Variants in ARHGAP28 observed in about 807,000 individuals in gnomAD.
The protein encoded by ARHGAP28 is Rho GTPase activating protein 28, also known as rho GTPase-activating protein 28.
Under a neutral mutation model 90.7 loss-of-function variants are expected in ARHGAP28, and 56 were observed. The observed-to-expected ratio is 0.62, with a 90% CI of 0.50 to 0.77. ARHGAP28 has a LOEUF of 0.77. Among genes scored for constraint, ARHGAP28 ranks in the 30% least tolerant of loss-of-function variants. ARHGAP28 has a pLI of 0.00. For missense variants in ARHGAP28, 869 were observed against 900.9 expected, an observed-to-expected ratio of 0.96 and a Z score of 0.45; for synonymous variants, 308 against 323.3, an observed-to-expected ratio of 0.95 and a Z score of 0.51.
intron 16 of ARHGAP28, among the ~76,000 whole-genome samples, chr18:6,903,826 C>CAA (rs35606759): frequency 0.11 from 9,038 of 83,566 alleles, 852 homozygotes; most frequent in Non-Finnish European, 0.14. Context: ...GACTCCATCT[C>CAA]AAAAAAAAAA....
At chr18:6,889,743 T>G in intron 12 of ARHGAP28, 145 bp from the exon 13 acceptor site, 1 of 711,298 alleles carries the variant, frequency 1.4e-6, no homozygotes, top group Non-Finnish European at 2.4e-6. Context: ...TTTTAACCAG[T>G]TAGAGGGGAA....
intron 15 of ARHGAP28, among the ~76,000 whole-genome samples, chr18:6,895,461 A>G (rs1219871267): frequency 6.6e-6 from 1 of 152,220 alleles, no homozygotes; most frequent in Non-Finnish European, 1.5e-5. Context: ...ATTCTTTCAC[A>G]GTTCTTGAGG....
chr18:6,903,746 TTGAACCCGGGAGGCGGAGGTTGCAG>T (rs1282995951), intron 16 of ARHGAP28, among the ~76,000 whole-genome samples: 1 of 149,574 alleles, frequency 6.7e-6, no homozygotes, highest in Non-Finnish European at 1.5e-5. Context: ...AGAGAACTGC[TTGAACCCGGGAGGCGGAGGTTGCAG>T]TGAGCCGAGA....
intron 1 of ARHGAP28, among the ~76,000 whole-genome samples, chr18:6,768,774 A>T (rs1567941071): frequency 6.6e-6 from 1 of 152,014 alleles, no homozygotes; most frequent in Non-Finnish European, 1.5e-5. Flanking sequence ...ATGTCCCCTT[A>T]ACTCAGTGAG....
rs560523148 is a variant in ARHGAP28 at position 6,872,566 on chromosome 18, G to GT, written c.955-835dup. Among the ~76,000 whole-genome samples the GT allele has an allele frequency of 1.4e-3, 206 of 151,764 alleles. 1 individual carries two copies. Among genetic ancestry groups the GT allele is most frequent in the Non-Finnish European group, 2.1e-3 (146 of 67,928 alleles). On this transcript the variant is annotated intron_variant, in intron 7 of 17. Coordinates refer to ENST00000383472, the MANE Select transcript of ARHGAP28 (RefSeq NM_001366230.1). ...AAGTGTTTATAATTTAATCTATGGGGTTTTTTTTGTTTTACTTCAGCATTT... is the reference window on the plus strand; with the variant it reads ...AAGTGTTTATAATTTAATCTATGGGGTTTTTTTTTGTTTTACTTCAGCATTT...
intron 15 of ARHGAP28, among the ~76,000 whole-genome samples, chr18:6,895,863 A>C (rs2057300995): frequency 1.3e-5 from 2 of 152,208 alleles, no homozygotes; most frequent in Non-Finnish European, 2.9e-5. Flanking sequence ...TATCAATAGA[A>C]CATTGATAGA....
At chr18:6,865,482 A>G (rs2143454467) in intron 5 of ARHGAP28, among the ~76,000 whole-genome samples, 1 of 152,298 alleles carries the variant, frequency 6.6e-6, no homozygotes, top group South Asian at 2.1e-4. Context: ...TTGCAGAACA[A>G]GAAGATGAGG....
chr18:6,792,144 T>TCTA (rs2056411159), intron 1 of ARHGAP28, among the ~76,000 whole-genome samples: 2 of 152,154 alleles, frequency 1.3e-5, no homozygotes, highest in Non-Finnish European at 2.9e-5. Flanking sequence ...CATGGTTACC[T>TCTA]GGAGATGGAC....
At chr18:6,765,437 C>G (rs550474185) in intron 1 of ARHGAP28, among the ~76,000 whole-genome samples, 2 of 152,108 alleles carry the variant, frequency 1.3e-5, no homozygotes, top group African/African-American at 4.8e-5. Context: ...AAAATATTCC[C>G]TTATTTTCTG....
At chr18:6,815,395 C>G (rs1600210627) in intron 1 of ARHGAP28, among the ~76,000 whole-genome samples, 1 of 152,070 alleles carries the variant, frequency 6.6e-6, no homozygotes, top group African/African-American at 2.4e-5. Context: ...TATTTGAAAT[C>G]TCAAAGCACT....
At chr18:6,780,954 A>G (rs941483440) in intron 1 of ARHGAP28, among the ~76,000 whole-genome samples, 1 of 152,046 alleles carries the variant, frequency 6.6e-6, no homozygotes, top group Admixed American at 6.6e-5. Flanking sequence ...CAGTCACAGA[A>G]TGTAATTTTC....
chr18:6,755,009 G>A (rs1474490204), intron 1 of ARHGAP28, among the ~76,000 whole-genome samples: 1 of 151,990 alleles, frequency 6.6e-6, no homozygotes, highest in Non-Finnish European at 1.5e-5. Flanking sequence ...TTAGCTAGGT[G>A]TGGTGGTACA....
intron 1 of ARHGAP28, among the ~76,000 whole-genome samples, chr18:6,743,936 C>G (rs1029217251): frequency 6.6e-6 from 1 of 152,082 alleles, no homozygotes; most frequent in Non-Finnish European, 1.5e-5. Context: ...AGTTCCACTC[C>G]TTGAGGACAG....
chr18:6,802,906 A>G (rs2056492587), intron 1 of ARHGAP28, among the ~76,000 whole-genome samples: 1 of 152,174 alleles, frequency 6.6e-6, no homozygotes, highest in South Asian at 2.1e-4. Flanking sequence ...CTGTTAATAT[A>G]TAGAAATACA....
intron 1 of ARHGAP28, among the ~76,000 whole-genome samples, chr18:6,736,529 C>T (rs535733851): frequency 2.1e-4 from 32 of 151,346 alleles, no homozygotes; most frequent in African/African-American, 7.3e-4. Flanking sequence ...CACCTGAGGT[C>T]GGGAGTTCGA....
intron 1 of ARHGAP28, among the ~76,000 whole-genome samples, chr18:6,810,860 G>A (rs2056551123): frequency 6.6e-6 from 1 of 152,084 alleles, no homozygotes; most frequent in Non-Finnish European, 1.5e-5. Context: ...CATTCTGCTA[G>A]GAGACAGATC....
chr18:6,757,714 T>C (rs533102895), intron 1 of ARHGAP28, among the ~76,000 whole-genome samples: 1 of 152,286 alleles, frequency 6.6e-6, no homozygotes, highest in African/African-American at 2.4e-5. Flanking sequence ...ATGGGACGTG[T>C]GACATCAAAG....
intron 5 of ARHGAP28, among the ~76,000 whole-genome samples, chr18:6,867,892 G>A (rs2057050156): frequency 6.6e-6 from 1 of 152,166 alleles, no homozygotes; most frequent in African/African-American, 2.4e-5. Context: ...AAAGGTATAA[G>A]CAGCAAATAT....
intron 16 of ARHGAP28, among the ~76,000 whole-genome samples, chr18:6,907,106 A>G (rs969679281): frequency 3.9e-5 from 6 of 152,238 alleles, no homozygotes; most frequent in Non-Finnish European, 5.9e-5. Context: ...CCACAATTGC[A>G]TATTACTACA....
Sources: allele counts gnomAD v4.1 joint callset (sites outside exome capture counted in the v4.1 genomes callset), GRCh38; gene constraint gnomAD v4.1.1; transcripts MANE v1.5; gene names NCBI Gene and HGNC (gene_info 2026-07-23, HGNC 2026-07-21).